RPS6KC1: variants seen among roughly 807,000 people sequenced by gnomAD.
RPS6KC1 encodes inactive ribosomal protein S6 kinase delta-1.
Under a neutral mutation model 103.8 loss-of-function variants are expected in RPS6KC1, and 54 were observed. That is an observed-to-expected ratio of 0.52 (90% CI 0.42 to 0.65). RPS6KC1 has a LOEUF of 0.65. RPS6KC1 is among the 30% of genes least tolerant of loss of function. RPS6KC1 has a pLI of 0.00. For missense variants in RPS6KC1, 1,151 were observed against 1,253.8 expected (o/e 0.92, Z 1.24); for synonymous variants, 439 against 438.7 (o/e 1.00, Z -0.01).
At chr1:213,687,560 A>G in the RPS6KC1 span, among the ~76,000 whole-genome samples, 1 of 152,104 alleles carries the variant, frequency 6.6e-6, no homozygotes, top group Non-Finnish European at 1.5e-5. Context: ...ATTGAATTCT[A>G]TTTTCCTCTG....
At chr1:213,663,844 G>A in the RPS6KC1 span, among the ~76,000 whole-genome samples, 2 of 152,158 alleles carry the variant, frequency 1.3e-5, no homozygotes, top group Non-Finnish European at 2.9e-5. Flanking sequence ...AGAAAGTCAA[G>A]CCAGGCATCC....
At chr1:213,532,583 C>T in the RPS6KC1 span, among the ~76,000 whole-genome samples, 2 of 152,226 alleles carry the variant, frequency 1.3e-5, no homozygotes, top group African/African-American at 4.8e-5. Flanking sequence ...CTCCACTGCA[C>T]CCCAGCTATG....
the RPS6KC1 span, among the ~76,000 whole-genome samples, chr1:213,445,829 C>G: frequency 6.6e-6 from 1 of 152,162 alleles, no homozygotes; most frequent in Non-Finnish European, 1.5e-5. Flanking sequence ...GCTGCAAGTA[C>G]CAGGTACCCC....
chr1:213,565,619 C>T, the RPS6KC1 span, among the ~76,000 whole-genome samples: 1 of 152,106 alleles, frequency 6.6e-6, no homozygotes, highest in Non-Finnish European at 1.5e-5. Flanking sequence ...TGGATTTTGA[C>T]TAGAAAGGGA....
chr1:213,168,684 A>T (rs1313407907), intron 7 of RPS6KC1, among the ~76,000 whole-genome samples: 1 of 151,672 alleles, frequency 6.6e-6, no homozygotes, highest in African/African-American at 2.4e-5. Flanking sequence ...GTGCAGTGGC[A>T]CGATCTAGGC....
intron 3 of RPS6KC1, among the ~76,000 whole-genome samples, chr1:213,084,217 T>A (rs2080173005): frequency 6.6e-6 from 1 of 152,104 alleles, no homozygotes; most frequent in African/African-American, 2.4e-5. Context: ...ATATAAAATA[T>A]ATGCACGTAA....
At chr1:213,680,327 T>C in the RPS6KC1 span, among the ~76,000 whole-genome samples, 1 of 152,222 alleles carries the variant, frequency 6.6e-6, no homozygotes, top group Non-Finnish European at 1.5e-5. Context: ...AATCAGTCGA[T>C]ATCCCTCTAG....
chr1:213,229,381 AAT>A (rs2094035722), intron 8 of RPS6KC1, among the ~76,000 whole-genome samples: 1 of 151,428 alleles, frequency 6.6e-6, no homozygotes, highest in African/African-American at 2.4e-5. Context: ...TGGGCTGGTA[AAT>A]GTTTGACAGC....
the RPS6KC1 span, among the ~76,000 whole-genome samples, chr1:213,371,803 G>A: frequency 1.4e-4 from 21 of 152,170 alleles, no homozygotes; most frequent in East Asian, 3.8e-4. Context: ...CAGGCTTTCC[G>A]GTTAGCTGCC....
rs2095086578 is a variant in RPS6KC1 at position 213,273,443 on chromosome 1, C to G, written c.*809C>G. 1 of 152,584 alleles carries G rather than the reference C, an allele frequency of 6.6e-6. No homozygotes were observed. Among genetic ancestry groups the G allele is most frequent in the Non-Finnish European group, 1.5e-5 (1 of 68,018 alleles). The allele number at this position is 152,584 out of a possible 1,614,324, so 9.5% of individuals were successfully genotyped here. The stretch of plus-strand genomic sequence containing the variant: ...TGTAAGGACTAAGAAATCATGATAT[C>G]AAATAAACATGGTGAAACATTAGAT... On this transcript the variant is annotated 3_prime_UTR_variant, in exon 15 of 15. Coordinates refer to ENST00000366960, the MANE Select transcript of RPS6KC1 (RefSeq NM_012424.6).
the RPS6KC1 span, among the ~76,000 whole-genome samples, chr1:213,560,261 A>T: frequency 6.6e-6 from 1 of 152,252 alleles, no homozygotes; most frequent in Non-Finnish European, 1.5e-5. Flanking sequence ...GAGATTAAGT[A>T]GATGAGCCTG....
At chr1:213,573,293 A>G in the RPS6KC1 span, among the ~76,000 whole-genome samples, 2 of 152,232 alleles carry the variant, frequency 1.3e-5, no homozygotes, top group Admixed American at 1.3e-4. Flanking sequence ...GGGTTTTGCC[A>G]CATTAGTAAT....
chr1:213,533,143 A>C, the RPS6KC1 span, among the ~76,000 whole-genome samples: 1 of 152,184 alleles, frequency 6.6e-6, no homozygotes, highest in Non-Finnish European at 1.5e-5. Flanking sequence ...ACATGCAGGA[A>C]GAGCCAGAAC....
At chr1:213,437,974 T>C in the RPS6KC1 span, among the ~76,000 whole-genome samples, 1 of 152,106 alleles carries the variant, frequency 6.6e-6, no homozygotes, top group Non-Finnish European at 1.5e-5. Context: ...TTTATGTTAT[T>C]TATAAATTTA....
At chr1:213,476,203 C>T in the RPS6KC1 span, among the ~76,000 whole-genome samples, 1 of 152,156 alleles carries the variant, frequency 6.6e-6, no homozygotes, top group Non-Finnish European at 1.5e-5. Context: ...TTGAAAAGAC[C>T]GGTATTCCCC....
At chr1:213,191,550 A>AT (rs1041071172) in intron 8 of RPS6KC1, among the ~76,000 whole-genome samples, 9 of 151,956 alleles carry the variant, frequency 5.9e-5, no homozygotes, top group Non-Finnish European at 1.0e-4. Context: ...GAGTCTTTAG[A>AT]TTTTTTTCAA....
the RPS6KC1 span, among the ~76,000 whole-genome samples, chr1:213,635,297 A>T: frequency 1.3e-5 from 2 of 152,360 alleles, no homozygotes; most frequent in East Asian, 1.9e-4. Context: ...CCTGTCACCA[A>T]AGCCTGGCAG....
chr1:213,427,921 A>G, the RPS6KC1 span, among the ~76,000 whole-genome samples: 1 of 152,240 alleles, frequency 6.6e-6, no homozygotes, highest in Non-Finnish European at 1.5e-5. Flanking sequence ...AATCCATCCA[A>G]CAACATCCAG....
chr1:213,679,795 C>A, the RPS6KC1 span, among the ~76,000 whole-genome samples: 1 of 152,166 alleles, frequency 6.6e-6, no homozygotes, highest in African/African-American at 2.4e-5. Flanking sequence ...TAGGACTGTA[C>A]TTTAAGGAAT....
Sources: allele counts gnomAD v4.1 joint callset (sites outside exome capture counted in the v4.1 genomes callset), GRCh38; gene constraint gnomAD v4.1.1; transcripts MANE v1.5; gene names NCBI Gene and HGNC (gene_info 2026-07-23, HGNC 2026-07-21).